The following TNS1 variants were observed in gnomAD, a reference collection of about 807,000 sequenced individuals.
The protein encoded by TNS1 is tensin-1.
In TNS1, 62 loss-of-function variants were observed where a neutral mutation model predicts 168.6. That is an observed-to-expected ratio of 0.37 (90% CI 0.30 to 0.45). The LOEUF (loss-of-function observed/expected upper bound fraction) is 0.45. Ranked by LOEUF, TNS1 falls within the 20% of genes least tolerant of loss-of-function variation. The probability of loss-of-function intolerance (pLI) is 1.00; values close to 1 mark genes in which losing one functional copy is unlikely to be tolerated. For missense variants in TNS1, 2,240 were observed against 2,339.4 expected (o/e 0.96, Z 0.88); for synonymous variants, 934 against 933.2 (o/e 1.00, Z -0.02).
chr2:217,922,938 CT>C (rs200814134), intron 3 of TNS1, among the ~76,000 whole-genome samples: 2,016 of 152,054 alleles, frequency 0.013, 51 homozygotes, highest in African/African-American at 0.046. Flanking sequence ...TTGTCTCTCT[CT>C]TTTTTTTTAA....
At chr2:217,833,108 A>G (rs966167581) in intron 21 of TNS1, among the ~76,000 whole-genome samples, 10 of 152,236 alleles carry the variant, frequency 6.6e-5, no homozygotes, top group African/African-American at 2.4e-4. Flanking sequence ...CTGGCCTCAG[A>G]GACGGTCATT....
Position 217,804,289 on chromosome 2 carries a change from T to TCTCC in TNS1, c.*169_*170insGGAG. 1.4e-6 allele frequency: 1 copy of TCTCC among 700,770 alleles called. No homozygotes were observed. The highest frequency in any genetic ancestry group is 2.3e-6 in the Non-Finnish European group (1 of 427,676). The allele number at this position is 700,770 out of a possible 1,614,324, so 43.4% of individuals were successfully genotyped here. A position where few individuals can be genotyped will look rare whatever the true frequency, so the allele number is the denominator to read the frequency against. ...CTCTCTCTCTCTCTCTCTCTCTCTC[T>TCTCC]TTTCCCCCTCCCCTCTGCAATTCAC... On this transcript the variant is annotated 3_prime_UTR_variant, in exon 33 of 33. Coordinates refer to ENST00000682258, the MANE Select transcript of TNS1 (RefSeq NM_001387777.1).
At chr2:217,976,138 T>A (rs1350103111) in intron 3 of TNS1, among the ~76,000 whole-genome samples, 1 of 152,140 alleles carries the variant, frequency 6.6e-6, no homozygotes, top group East Asian at 1.9e-4. Context: ...TCTAACCCAT[T>A]GCTCCAGCTC....
intron 18 of TNS1, among the ~76,000 whole-genome samples, chr2:217,864,971 G>A (rs147291063): frequency 4.7e-4 from 71 of 152,210 alleles, no homozygotes; most frequent in African/African-American, 1.6e-3. Context: ...GGTGTGTGCA[G>A]AGGAGCCCAT....
chr2:217,859,384 G>A (rs1948568811), intron 18 of TNS1: 4 of 448,958 alleles, frequency 8.9e-6, no homozygotes, highest in Non-Finnish European at 1.6e-5. Context: ...CCTCCACAGG[G>A]CAGAGTCCAG....
At chr2:217,885,850 G>T in intron 14 of TNS1, 31 bp from the exon 15 acceptor site, 1 of 1,611,376 alleles carries the variant, frequency 6.2e-7, no homozygotes, top group South Asian at 1.1e-5. Flanking sequence ...GAAAAAGAGT[G>T]GGCTGCTGGA....
intron 6 of TNS1, among the ~76,000 whole-genome samples, chr2:217,903,079 C>T (rs753485519): frequency 2.0e-5 from 3 of 152,162 alleles, no homozygotes; most frequent in Non-Finnish European, 2.9e-5. Context: ...TGCCTCATCA[C>T]GTAGGCTTTT....
chr2:217,926,367 G>A (rs1956027972), intron 3 of TNS1, among the ~76,000 whole-genome samples: 1 of 152,194 alleles, frequency 6.6e-6, no homozygotes, highest in South Asian at 2.1e-4. Context: ...TTTTAAGGCT[G>A]AATACTGTTC....
intron 18 of TNS1, among the ~76,000 whole-genome samples, chr2:217,853,645 C>G (rs1463971084): frequency 6.6e-6 from 1 of 152,208 alleles, no homozygotes; most frequent in Non-Finnish European, 1.5e-5. Flanking sequence ...GCCCCACTGT[C>G]TTTGTCTGAG....
chr2:217,955,445 C>T (rs1004331563), intron 3 of TNS1, among the ~76,000 whole-genome samples: 3 of 151,958 alleles, frequency 2.0e-5, no homozygotes, highest in African/African-American at 4.8e-5. Flanking sequence ...GCACAGTGCC[C>T]GTCCACCACC....
intron 3 of TNS1, among the ~76,000 whole-genome samples, chr2:217,944,657 G>C (rs1295253718): frequency 2.6e-5 from 4 of 152,212 alleles, no homozygotes; most frequent in Non-Finnish European, 5.9e-5. Context: ...GGACATTTGT[G>C]ACTGTACATT....
At chr2:217,935,419 A>G (rs1453707330) in intron 3 of TNS1, among the ~76,000 whole-genome samples, 1 of 151,986 alleles carries the variant, frequency 6.6e-6, no homozygotes, top group African/African-American at 2.4e-5. Context: ...CTCCTCTCCA[A>G]TCACCTCTCC....
At chr2:217,846,225 A>G (rs1481196466) in intron 19 of TNS1, among the ~76,000 whole-genome samples, 2 of 152,136 alleles carry the variant, frequency 1.3e-5, no homozygotes, top group East Asian at 3.9e-4. Flanking sequence ...CTGATTGCCA[A>G]TTTCCATGGT....
chr2:217,871,076 C>T (rs958039222), intron 18 of TNS1, among the ~76,000 whole-genome samples: 2 of 152,208 alleles, frequency 1.3e-5, no homozygotes, highest in Non-Finnish European at 2.9e-5. Flanking sequence ...GACCAGCACA[C>T]ACTAAGATCC....
intron 1 of TNS1, among the ~76,000 whole-genome samples, chr2:217,999,240 C>A (rs1958520099): frequency 6.6e-6 from 1 of 152,226 alleles, no homozygotes; most frequent in Admixed American, 6.5e-5. Flanking sequence ...AGTCTTGACT[C>A]TGACTTGCTG....
intron 3 of TNS1, among the ~76,000 whole-genome samples, chr2:217,934,391 G>A (rs1014680971): frequency 1.3e-5 from 2 of 152,154 alleles, no homozygotes; most frequent in Non-Finnish European, 2.9e-5. Flanking sequence ...TTCAGTGGCT[G>A]GGCCTCCGGG....
chr2:217,989,326 T>C (rs564703816), intron 2 of TNS1, among the ~76,000 whole-genome samples: 3 of 152,158 alleles, frequency 2.0e-5, no homozygotes, highest in Admixed American at 2.0e-4. Flanking sequence ...GTGTGGACGG[T>C]GGGTCACAGA....
intron 3 of TNS1, among the ~76,000 whole-genome samples, chr2:217,937,524 C>T (rs1053101849): frequency 6.6e-6 from 1 of 152,138 alleles, no homozygotes; most frequent in African/African-American, 2.4e-5. Flanking sequence ...TCTGCCATTT[C>T]TGGGAGTCTC....
chr2:217,925,935 G>A (rs529027550), intron 3 of TNS1, among the ~76,000 whole-genome samples: 204 of 152,302 alleles, frequency 1.3e-3, no homozygotes, highest in African/African-American at 4.5e-3. Context: ...GTTAGAGGCT[G>A]AATTCTATGT....
Sources: gnomAD v4.1 joint callset for allele counts (sites outside exome capture counted in the v4.1 genomes callset) on GRCh38, gnomAD v4.1.1 for gene constraint, MANE v1.5 for transcripts, NCBI Gene and HGNC (gene_info 2026-07-23, HGNC 2026-07-21) for gene names.